Variants in SNX29 observed in about 807,000 individuals in gnomAD.
The protein encoded by SNX29 is sorting nexin 29.
SNX29 carries 78 observed loss-of-function variants against 102.1 expected under a neutral mutation model. The ratio of observed to expected loss-of-function variants is 0.76; its 90% CI spans 0.64 to 0.92. The LOEUF (loss-of-function observed/expected upper bound fraction) is 0.92, where lower values mean the gene tolerates loss of function less well. Ranked by LOEUF, SNX29 falls within the 40% of genes least tolerant of loss-of-function variation. The pLI is 0.00. For missense variants in SNX29, 1,280 were observed against 1,061.7 expected, an observed-to-expected ratio of 1.21 and a Z score of -2.86; for synonymous variants, 580 against 414.5, an observed-to-expected ratio of 1.40 and a Z score of -4.85.
At chr16:12,091,095 T>C (rs1467186567) in intron 11 of SNX29, among the ~76,000 whole-genome samples, 1 of 151,654 alleles carries the variant, frequency 6.6e-6, no homozygotes, top group East Asian at 1.9e-4. Context: ...TACTTTCTTA[T>C]TCATTTTACC....
intron 15 of SNX29, among the ~76,000 whole-genome samples, chr16:12,341,085 C>T (rs1366289599): frequency 6.6e-6 from 1 of 152,068 alleles, no homozygotes; most frequent in Non-Finnish European, 1.5e-5. Flanking sequence ...AGTGTCTGGC[C>T]TGTGGAACGC....
chr16:12,491,037 C>T (rs1201294975), intron 19 of SNX29, among the ~76,000 whole-genome samples: 1 of 152,250 alleles, frequency 6.6e-6, no homozygotes, highest in East Asian at 1.9e-4. Flanking sequence ...CCTTTCACAA[C>T]TGCTGTTCTT....
chr16:12,341,482 C>T (rs2081608341), intron 15 of SNX29, among the ~76,000 whole-genome samples: 1 of 152,218 alleles, frequency 6.6e-6, no homozygotes, highest in African/African-American at 2.4e-5. Context: ...AGGATTGGTT[C>T]TGCCACAGTA....
At chr16:12,349,443 T>G (rs2081931273) in intron 15 of SNX29, among the ~76,000 whole-genome samples, 1 of 152,210 alleles carries the variant, frequency 6.6e-6, no homozygotes, top group African/African-American at 2.4e-5. Context: ...TGTAAGACAA[T>G]GTACAGGTTG....
At chr16:12,273,335 G>GTTT (rs1567383303) in intron 14 of SNX29, among the ~76,000 whole-genome samples, 1 of 91,094 alleles carries the variant, frequency 1.1e-5, no homozygotes, top group Non-Finnish European at 2.2e-5. Context: ...GTGGTTTTTT[G>GTTT]TTTTTTGTTT....
intron 10 of SNX29, among the ~76,000 whole-genome samples, chr16:12,077,061 G>T (rs561394765): frequency 3.3e-5 from 5 of 152,260 alleles, no homozygotes; most frequent in Non-Finnish European, 5.9e-5. Context: ...ATTACTTGAG[G>T]CCGGGAGTTC....
chr16:12,453,967 T>G lies in SNX29; in HGVS notation c.2038-23752T>G, dbSNP rs141980707. On this transcript the variant is annotated intron_variant, in intron 18 of 20. Coordinates refer to ENST00000566228, the MANE Select transcript of SNX29 (RefSeq NM_032167.5). ...GCCATGGGTTTTTTTTGTTGTTGTT[T>G]TTTTCCTTATCTCTTAGTAACAGAG... Among the ~76,000 whole-genome samples, 508 of 152,276 alleles carry G rather than the reference T, an allele frequency of 3.3e-3. 1 individual carries two copies. The highest frequency in any genetic ancestry group is 5.4e-3 in the Non-Finnish European group (367 of 68,014).
intron 19 of SNX29, among the ~76,000 whole-genome samples, chr16:12,521,007 G>A (rs1425758204): frequency 2.0e-5 from 3 of 151,892 alleles, no homozygotes; most frequent in Non-Finnish European, 2.9e-5. Flanking sequence ...GAGAACAGTC[G>A]TCACTAGTAA....
At chr16:12,225,403 A>G (rs2077583635) in intron 14 of SNX29, among the ~76,000 whole-genome samples, 1 of 152,136 alleles carries the variant, frequency 6.6e-6, no homozygotes, top group Non-Finnish European at 1.5e-5. Context: ...GGTCTTTCCC[A>G]TGCTCTTCTC....
chr16:12,472,104 T>A (rs1361817992), intron 18 of SNX29, among the ~76,000 whole-genome samples: 1 of 152,238 alleles, frequency 6.6e-6, no homozygotes, highest in Non-Finnish European at 1.5e-5. Flanking sequence ...GGAATACTAT[T>A]CATTAGTGCA....
chr16:12,430,196 G>GT (rs1292112605), intron 18 of SNX29, among the ~76,000 whole-genome samples: 2 of 152,142 alleles, frequency 1.3e-5, no homozygotes, highest in Non-Finnish European at 1.5e-5. Context: ...CAAACCATCA[G>GT]TTCCCCCCCC....
At chr16:12,063,583 T>C (rs1210266247) in intron 9 of SNX29, among the ~76,000 whole-genome samples, 1 of 152,040 alleles carries the variant, frequency 6.6e-6, no homozygotes, top group Non-Finnish European at 1.5e-5. Flanking sequence ...TTCGCCATGT[T>C]GGCCAGACTG....
chr16:12,013,500 A>AAAAAAAAAATAT lies in SNX29; in HGVS notation c.122+10458_122+10459insAAAAAAAATATA. Among the ~76,000 whole-genome samples the AAAAAAAAAATAT allele has an allele frequency of 1.8e-3, 58 of 31,608 alleles. 1 individual carries two copies. The highest frequency in any genetic ancestry group is 2.5e-3 in the Non-Finnish European group (41 of 16,250). 20.7% of individuals were successfully genotyped at this position (31,608 alleles called of 152,430 possible). ...GTCTCTACTGGGGGAAAAAAAAAAA[A>AAAAAAAAAATAT]ATATATATATATATATATATATATA... On this transcript the variant is annotated intron_variant, in intron 3 of 20. Coordinates refer to ENST00000566228, the MANE Select transcript of SNX29 (RefSeq NM_032167.5).
At position 12,550,732 on chromosome 16, in the gene SNX29, C is replaced by G. The variant is rs182972829; in HGVS notation, c.2319-17774C>G. Among the ~76,000 whole-genome samples, 17 of 152,072 alleles carry G rather than the reference C, an allele frequency of 1.1e-4. No individual in the cohort carries two copies. In the East Asian group the frequency reaches 2.3e-3, roughly 21 times the overall value. On this transcript the variant is annotated intron_variant, in intron 20 of 20. Coordinates refer to ENST00000566228, the MANE Select transcript of SNX29 (RefSeq NM_032167.5). ...CTCTTATTCTACACTCCTGTGTTGCCTATTTAAAAAAGGTGATAAAATAGT... is the reference window on the plus strand; with the variant it reads ...CTCTTATTCTACACTCCTGTGTTGCGTATTTAAAAAAGGTGATAAAATAGT...
intron 19 of SNX29, among the ~76,000 whole-genome samples, chr16:12,510,622 G>T (rs571176053): frequency 1.3e-5 from 2 of 152,078 alleles, no homozygotes; most frequent in South Asian, 4.2e-4. Flanking sequence ...GCAGTGAGCC[G>T]AGATGGCCCC....
intron 15 of SNX29, among the ~76,000 whole-genome samples, chr16:12,303,201 A>T (rs1443570201): frequency 6.6e-6 from 1 of 151,962 alleles, no homozygotes; most frequent in South Asian, 2.1e-4. Flanking sequence ...GTTTTTTTTA[A>T]AAAATAATTA....
intron 11 of SNX29, among the ~76,000 whole-genome samples, chr16:12,091,732 A>G (rs2052553765): frequency 7.1e-6 from 1 of 141,268 alleles, no homozygotes; most frequent in Non-Finnish European, 1.5e-5. Context: ...AGCCAAGATC[A>G]TGCTACTGCA....
chr16:12,117,115 A>G (rs2053749705), intron 11 of SNX29, among the ~76,000 whole-genome samples: 1 of 148,338 alleles, frequency 6.7e-6, no homozygotes, highest in Non-Finnish European at 1.5e-5. Flanking sequence ...AGTGCGGACG[A>G]ACCATGGAAA....
intron 1 of SNX29, among the ~76,000 whole-genome samples, chr16:11,985,002 A>C (rs1596526846): frequency 6.7e-6 from 1 of 149,732 alleles, no homozygotes; most frequent in South Asian, 2.1e-4. Context: ...TGCAGTGAAC[A>C]TTTTTTTTTC....
Sources: gnomAD v4.1 joint callset for allele counts (sites outside exome capture counted in the v4.1 genomes callset) on GRCh38, gnomAD v4.1.1 for gene constraint, MANE v1.5 for transcripts, NCBI Gene and HGNC (gene_info 2026-07-23, HGNC 2026-07-21) for gene names.